The following GRIN2A variants were observed in gnomAD, a reference collection of about 807,000 sequenced individuals.
The protein encoded by GRIN2A is glutamate ionotropic receptor NMDA type subunit 2A, also known as glutamate receptor ionotropic, NMDA 2A.
GRIN2A carries 22 observed loss-of-function variants against 113.4 expected under a neutral mutation model. The observed-to-expected ratio is 0.19, with a 90% confidence interval of 0.14 to 0.28. The LOEUF is 0.28. Ranked by LOEUF, GRIN2A falls within the 10% of genes least tolerant of loss-of-function variation. GRIN2A has a pLI of 1.00. For missense variants in GRIN2A, 1,502 were observed against 1,887.0 expected (o/e 0.80, Z 3.78); for synonymous variants, 827 against 738.4 (o/e 1.12, Z -1.94).
chr16:9,928,194 C>T (rs111637069), intron 3 of GRIN2A, among the ~76,000 whole-genome samples: 101 of 152,292 alleles, frequency 6.6e-4, no homozygotes, highest in African/African-American at 2.1e-3. Context: ...CAGGCAGCAT[C>T]CACATGGAAG....
intron 2 of GRIN2A, among the ~76,000 whole-genome samples, chr16:10,129,086 A>C (rs1489938705): frequency 6.6e-6 from 1 of 152,002 alleles, no homozygotes; most frequent in Non-Finnish European, 1.5e-5. Flanking sequence ...TGCGTGACTT[A>C]CTTTTTTAAA....
At chr16:9,979,119 C>A (rs143848741) in intron 2 of GRIN2A, among the ~76,000 whole-genome samples, 2 of 152,106 alleles carry the variant, frequency 1.3e-5, no homozygotes, top group Non-Finnish European at 2.9e-5. Flanking sequence ...CAAGAGGAGA[C>A]TAAGATTCTA....
intron 2 of GRIN2A, among the ~76,000 whole-genome samples, chr16:10,087,723 T>C (rs1384522938): frequency 6.6e-6 from 1 of 152,176 alleles, no homozygotes; most frequent in African/African-American, 2.4e-5. Context: ...AGGGTCTTAC[T>C]CTGTGACCCA....
chr16:10,084,282 T>G (rs751357623), intron 2 of GRIN2A, among the ~76,000 whole-genome samples: 20 of 152,202 alleles, frequency 1.3e-4, no homozygotes, highest in Non-Finnish European at 2.8e-4. Flanking sequence ...ACAGGCATAG[T>G]CTCTGCCCTT....
chr16:9,932,143 T>C (rs1439006146), intron 3 of GRIN2A, among the ~76,000 whole-genome samples: 2 of 152,342 alleles, frequency 1.3e-5, no homozygotes, highest in East Asian at 3.9e-4. Flanking sequence ...GCTGGGCCTC[T>C]ACTATGGAAT....
At chr16:10,182,601 TC>T (rs5815566), upstream of GRIN2A, 149,168 of 152,546 alleles carry the variant, frequency 0.98, 73,015 homozygotes, top group East Asian at 1. Context: ...GCCTCCCACC[TC>T]CCCCCTTCCC....
chr16:9,910,587 G>T (rs774344227), intron 3 of GRIN2A, among the ~76,000 whole-genome samples: 14 of 148,144 alleles, frequency 9.5e-5, no homozygotes, highest in Non-Finnish European at 2.1e-4. Flanking sequence ...GCCCAGGCTG[G>T]AGTGCAGTGG....
intron 2 of GRIN2A, among the ~76,000 whole-genome samples, chr16:10,173,286 A>T (rs369010394): frequency 6.6e-6 from 1 of 152,184 alleles, no homozygotes; most frequent in East Asian, 1.9e-4. Flanking sequence ...GAGAGCTCTC[A>T]GTGTTTAATG....
intron 10 of GRIN2A, among the ~76,000 whole-genome samples, chr16:9,820,668 C>T (rs1040624090): frequency 6.6e-6 from 1 of 151,952 alleles, no homozygotes; most frequent in African/African-American, 2.4e-5. Flanking sequence ...GGCTTTATTT[C>T]TATGTTAAAA....
intron 2 of GRIN2A, among the ~76,000 whole-genome samples, chr16:10,164,086 C>T (rs1043487940): frequency 2.6e-5 from 4 of 152,340 alleles, no homozygotes; most frequent in South Asian, 2.1e-4. Flanking sequence ...TGTTTACTCA[C>T]GTGGTCTTAA....
At chr16:10,058,505 C>T (rs1223063107) in intron 2 of GRIN2A, among the ~76,000 whole-genome samples, 1 of 152,082 alleles carries the variant, frequency 6.6e-6, no homozygotes, top group African/African-American at 2.4e-5. Flanking sequence ...ATATCTACAA[C>T]AATGATAATG....
intron 2 of GRIN2A, among the ~76,000 whole-genome samples, chr16:10,133,675 A>G (rs555249478): frequency 2.0e-5 from 3 of 152,298 alleles, no homozygotes; most frequent in Non-Finnish European, 2.9e-5. Flanking sequence ...TCTTATCTCA[A>G]TCACCTAAGT....
chr16:10,151,306 T>G (rs1268778909), intron 2 of GRIN2A, among the ~76,000 whole-genome samples: 1 of 152,204 alleles, frequency 6.6e-6, no homozygotes, highest in African/African-American at 2.4e-5. Flanking sequence ...CTTTTCAACT[T>G]TAGCTAGCCA....
At chr16:10,072,282 G>C (rs941824121) in intron 2 of GRIN2A, among the ~76,000 whole-genome samples, 4 of 152,230 alleles carry the variant, frequency 2.6e-5, no homozygotes, top group African/African-American at 9.6e-5. Flanking sequence ...TCCATTTGCA[G>C]CATGAGAATA....
chr16:10,005,194 ATTAC>A (rs2046384975), intron 2 of GRIN2A, among the ~76,000 whole-genome samples: 1 of 152,190 alleles, frequency 6.6e-6, no homozygotes, highest in Non-Finnish European at 1.5e-5. Flanking sequence ...AGTTTAAGAA[ATTAC>A]TTCTTTGCCA....
intron 2 of GRIN2A, among the ~76,000 whole-genome samples, chr16:10,019,948 C>T (rs2046684850): frequency 6.6e-6 from 1 of 152,122 alleles, no homozygotes; most frequent in Non-Finnish European, 1.5e-5. Flanking sequence ...ACACAGACAC[C>T]CAAAATGGTA....
rs553311336 is a variant in GRIN2A at position 9,833,795 on chromosome 16, C to A, written c.1777+310G>T. Among the ~76,000 whole-genome samples, 138 of 152,326 alleles carry A rather than the reference C, an allele frequency of 9.1e-4. 1 individual carries two copies. Among genetic ancestry groups the A allele is most frequent in the African/African-American group, 3.2e-3 (131 of 41,572 alleles). ...AGTGCAGTGGCACAATCTCGACTCA[C>A]TGCAACCTCTGCCTCCTGGTTTTAA... is the stretch of plus-strand genomic sequence containing the variant. On this transcript the variant is annotated intron_variant, in intron 8 of 12. Transcript: ENST00000330684.
chr16:9,825,707 A>T (rs964816541), intron 9 of GRIN2A, among the ~76,000 whole-genome samples: 2 of 152,176 alleles, frequency 1.3e-5, no homozygotes, highest in Non-Finnish European at 2.9e-5. Context: ...TGATGTGAGC[A>T]GCAAGCAGGT....
chr16:10,179,829 G>A, intron 2 of GRIN2A, 169 bp downstream of exon 2: 1 of 670,280 alleles, frequency 1.5e-6, no homozygotes, highest in Non-Finnish European at 2.7e-6. Flanking sequence ...TTCATTTCTG[G>A]GTTGGAGAGG....
Sources: gnomAD v4.1 joint callset for allele counts (sites outside exome capture counted in the v4.1 genomes callset) on GRCh38, gnomAD v4.1.1 for gene constraint, MANE v1.5 for transcripts, NCBI Gene and HGNC (gene_info 2026-07-23, HGNC 2026-07-21) for gene names.